Variants in MAP1A observed in about 807,000 individuals in gnomAD.
The protein encoded by MAP1A is microtubule associated protein 1A.
Under a neutral mutation model 185.9 loss-of-function variants are expected in MAP1A, and 42 were observed. That is an observed-to-expected ratio of 0.23 (90% CI 0.18 to 0.29). The LOEUF (loss-of-function observed/expected upper bound fraction) is 0.29. MAP1A is among the 10% of genes least tolerant of loss of function. The pLI is 1.00. For missense variants in MAP1A, 2,995 were observed against 3,450.4 expected (o/e 0.87, Z 3.31); for synonymous variants, 1,229 against 1,335.9 (o/e 0.92, Z 1.74).
In MAP1A at chr15:43,517,650, G is replaced by T; in HGVS notation, c.-425G>T. 1 of 975,068 alleles carries T rather than the reference G, an allele frequency of 1.0e-6. No individual in the cohort carries two copies. Among genetic ancestry groups the T allele is most frequent in the Non-Finnish European group, 1.2e-6 (1 of 827,282 alleles). The allele number at this position is 975,068 out of a possible 1,614,324, so 60.4% of individuals were successfully genotyped here. A position where few individuals can be genotyped will look rare whatever the true frequency, so the allele number is the denominator to read the frequency against. On this transcript the variant is annotated 5_prime_UTR_variant, in exon 1 of 6. Transcript: ENST00000300231. The stretch of plus-strand genomic sequence containing the variant: ...TGCAGACTCTTCCCTGAAGCTGCCG[G>T]CTGAGGCCGGAGCTGCCGCCTCCAT...
upstream of MAP1A, among the ~76,000 whole-genome samples, chr15:43,513,698 A>T (rs2079289624): frequency 6.6e-6 from 1 of 152,206 alleles, no homozygotes; most frequent in African/African-American, 2.4e-5. Flanking sequence ...CATCTTCCTG[A>T]TGTGACTGGC....
At position 43,524,928 on chromosome 15, in the gene MAP1A, C is replaced by A; in HGVS notation, c.3455C>A (p.Ser1152Tyr). Residue 1152 changes from serine (S) to tyrosine (Y), a missense_variant, in exon 4 of 6, where the codon TCC becomes TAC. Around this residue, in one of 3 missense-constraint regions of MAP1A, gnomAD observed 2,728 missense variants for 2,986.0 expected, o/e 0.91. Transcript: ENST00000300231. ...DRSLSPEDAE[S>Y]LSVLSVPSPD... is the part of the protein sequence containing the mutation. The stretch of plus-strand genomic sequence containing the variant: ...AGCCTCTCTCCTGAAGATGCAGAAT[C>A]CCTCTCTGTCCTCAGCGTGCCCTCC... 6.2e-7 allele frequency: 1 copy of A among 1,614,164 alleles called. No individual in the cohort carries two copies. Among genetic ancestry groups the A allele is most frequent in the East Asian group, 2.2e-5 (1 of 44,880 alleles).
upstream of MAP1A, among the ~76,000 whole-genome samples, chr15:43,516,077 CT>C (rs1040094523): frequency 1.3e-5 from 2 of 152,148 alleles, no homozygotes; most frequent in African/African-American, 2.4e-5. Context: ...CCAGAAAGCC[CT>C]AGAAAGCAGG....
rs878861231 is a variant in MAP1A at position 43,525,856 on chromosome 15, T to C, written c.4383T>C (p.Asp1461=). 1.9e-6 allele frequency: 3 copies of C among 1,572,246 alleles called. No individual in the cohort carries two copies. Among genetic ancestry groups the C allele is most frequent in the Non-Finnish European group, 2.6e-6 (3 of 1,162,076 alleles). ...AAGACAAAGCCTTAGAACAAAAGGA[T>C]ACAGCCCTGGAACAGAAGGACAAGG... is the stretch of plus-strand genomic sequence containing the variant. ...EEKDKALEQK[D]TALEQKDKAL... Residue 1461 remains aspartate, a synonymous_variant, in exon 4 of 6, where the codon GAT becomes GAC. Coordinates refer to ENST00000300231, the MANE Select transcript of MAP1A (RefSeq NM_002373.6).
Position 43,528,199 on chromosome 15 carries a change from T to G in MAP1A, c.6726T>G (p.Pro2242=). The change falls in exon 4 of 6, where the codon CCT becomes CCG. Residue 2242 remains proline, a synonymous_variant. Coordinates refer to ENST00000300231, the MANE Select transcript of MAP1A (RefSeq NM_002373.6). ...CATCACCCAGTTCTCCTGGGGCCCCTCTCCTCTCCAATCTGCCACGACCTG... is the reference window on the plus strand; with the variant it reads ...CATCACCCAGTTCTCCTGGGGCCCCGCTCCTCTCCAATCTGCCACGACCTG... ...QLPSPSSPGA[P]LLSNLPRPAS... is the part of the protein sequence containing the mutation. 2 of 1,614,004 alleles carry G rather than the reference T, an allele frequency of 1.2e-6. No homozygotes were observed. The highest frequency in any genetic ancestry group is 1.7e-6 in the Non-Finnish European group (2 of 1,179,990).
At chr15:43,511,182 G>C in exon 1 of MAP1A, 6 of 1,550,568 alleles carry the variant, frequency 3.9e-6, no homozygotes, top group Non-Finnish European at 5.2e-6. Flanking sequence ...GGCGATATCG[G>C]TACAGAGAGT....
At position 43,525,364 on chromosome 15, in the gene MAP1A, A is replaced by G. The variant is rs747230837; in HGVS notation, c.3891A>G (p.Thr1297=). The G allele has an allele frequency of 3.2e-5, 52 of 1,613,766 alleles. No homozygotes were observed. Among genetic ancestry groups the G allele is most frequent in the Non-Finnish European group, 4.3e-5 (51 of 1,180,032 alleles). The change falls in exon 4 of 6, where the codon ACA becomes ACG. Residue 1297 remains threonine (T), a synonymous_variant. Transcript: ENST00000300231. ...KSPASSFSHS[T]PSGNGKYLPG... is the part of the protein sequence containing the mutation. ...CTGCCAGCTCATTCTCTCACTCTACACCTTCAGGAAATGGGAAGTACTTAC... is the reference window on the plus strand; with the variant it reads ...CTGCCAGCTCATTCTCTCACTCTACGCCTTCAGGAAATGGGAAGTACTTAC...
intron 1 of MAP1A, among the ~76,000 whole-genome samples, chr15:43,511,457 A>C (rs1484165326): frequency 6.6e-6 from 1 of 152,146 alleles, no homozygotes; most frequent in Admixed American, 6.5e-5. Flanking sequence ...AGTCTCCCTG[A>C]GGCAGCGGAG....
In MAP1A at chr15:43,524,472, C is replaced by T. The variant is rs183942841; in HGVS notation, c.2999C>T (p.Ser1000Phe). 1 of 1,614,196 alleles carries T rather than the reference C, an allele frequency of 6.2e-7. No homozygotes were observed. Among genetic ancestry groups the T allele is most frequent in the Admixed American group, 1.7e-5 (1 of 60,032 alleles). ...GTGAAGATGGCTTCTCCTCCACCAT[C>T]TGGCCCACCCAGTGCCACCCACACA... ...STVKMASPPPSGPPSATHTPF... is the reference protein window; with the variant it reads ...STVKMASPPPFGPPSATHTPF... Residue 1000 changes from serine (S) to phenylalanine (F), a missense_variant, in exon 4 of 6, where the codon TCT becomes TTT. Transcript: ENST00000300231.
In MAP1A at chr15:43,529,446, A is replaced by T. The variant is rs369938773; in HGVS notation, c.7973A>T (p.Glu2658Val). ...RSTTSQVTPA[E>V]EKDGHSPMSK... is the part of the protein sequence containing the mutation. ...ACCACAAGCCAGGTCACCCCAGCAGAGGAAAAGGATGGACACAGCCCCATG... is the reference window on the plus strand; with the variant it reads ...ACCACAAGCCAGGTCACCCCAGCAGTGGAAAAGGATGGACACAGCCCCATG... The change falls in exon 4 of 6, where the codon GAG becomes GTG. Residue 2658 changes from glutamate to valine, a missense_variant. Glu to Val is a moderately radical substitution (Grantham distance 121). Around this residue, in one of 3 missense-constraint regions of MAP1A, gnomAD observed 2,728 missense variants for 2,986.0 expected, o/e 0.91. Coordinates refer to ENST00000300231, the MANE Select transcript of MAP1A (RefSeq NM_002373.6). The surrounding 1 kb of genome is among the most constrained non-coding windows in gnomAD (Gnocchi z 4.3). 1.2e-5 allele frequency: 20 copies of T among 1,613,630 alleles called. No individual in the cohort carries two copies. Among genetic ancestry groups the T allele is most frequent in the Non-Finnish European group, 1.7e-5 (20 of 1,179,754 alleles).
Position 43,528,023 on chromosome 15 carries a change from G to A in MAP1A, c.6550G>A (p.Ala2184Thr). ...QPAPPQLPSP[A>T]EPRSAPCGSL... is the part of the protein sequence containing the mutation. Reference sequence around the variant, plus strand: ...AGCTCCCCCACAGCTGCCCTCTCCAGCTGAACCCCGCTCGGCACCCTGTGG... The same window carrying A: ...AGCTCCCCCACAGCTGCCCTCTCCAACTGAACCCCGCTCGGCACCCTGTGG... The change falls in exon 4 of 6, where the codon GCT becomes ACT. Residue 2184 changes from alanine (A) to threonine (T), a missense_variant. Ala to Thr is a moderately conservative substitution (Grantham distance 58, BLOSUM62 0). Transcript: ENST00000300231. 6.2e-7 allele frequency: 1 copy of A among 1,613,896 alleles called. No individual in the cohort carries two copies. The highest frequency in any genetic ancestry group is 8.5e-7 in the Non-Finnish European group (1 of 1,180,006).
upstream of MAP1A, among the ~76,000 whole-genome samples, chr15:43,516,158 T>C (rs1469290032): frequency 1.3e-5 from 2 of 152,134 alleles, no homozygotes; most frequent in African/African-American, 4.8e-5. Flanking sequence ...TATTTCCCTT[T>C]TGTGATGCTC....
At chr15:43,518,730 C>T (rs891741157) in intron 1 of MAP1A, among the ~76,000 whole-genome samples, 7 of 147,146 alleles carry the variant, frequency 4.8e-5, no homozygotes, top group Non-Finnish European at 7.4e-5. Context: ...AACTCCAGCA[C>T]TGGCTGAGCA....
At chr15:43,512,248 C>G in exon 2 of MAP1A, 2 of 1,549,930 alleles carry the variant, frequency 1.3e-6, no homozygotes, top group Non-Finnish European at 1.7e-6. Context: ...AGTTGAGACT[C>G]TTCATTACCC....
At chr15:43,519,616 G>A (rs771331831) in intron 1 of MAP1A, among the ~76,000 whole-genome samples, 1 of 152,224 alleles carries the variant, frequency 6.6e-6, no homozygotes, top group Non-Finnish European at 1.5e-5. Flanking sequence ...GCAGGGGATG[G>A]CAGCATTCTT....
rs758100818 is a variant in MAP1A, at chr15:43,521,742, T to C, written c.269T>C (p.Ile90Thr). 11 of 1,614,176 alleles carry C rather than the reference T, an allele frequency of 6.8e-6. No homozygotes were observed. Among genetic ancestry groups the C allele is most frequent in the Non-Finnish European group, 7.6e-6 (9 of 1,180,030 alleles). Residue 90 changes from isoleucine to threonine, a missense_variant, in exon 4 of 6, where the codon ATT (isoleucine) becomes ACT (threonine). Ile to Thr is a moderately conservative substitution (Grantham distance 89). This residue lies in a region of MAP1A where 264 missense variants were observed against 435.3 expected (regional missense o/e 0.61). Transcript: ENST00000300231. The surrounding 1 kb of genome is among the most constrained non-coding windows in gnomAD (Gnocchi z 4.6). ...ATTGACTCGGTGCTACTCACACACATTGGGGCAGACAACCTGCCAGGCATC... is the reference window on the plus strand; with the variant it reads ...ATTGACTCGGTGCTACTCACACACACTGGGGCAGACAACCTGCCAGGCATC... ...DRIDSVLLTH[I>T]GADNLPGING... is the part of the protein sequence containing the mutation.
Position 43,522,079 on chromosome 15 carries a change from C to T in MAP1A, c.606C>T (p.Val202=). The change falls in exon 4 of 6, where the codon GTC becomes GTT. Residue 202 remains valine (V), a synonymous_variant. Coordinates refer to ENST00000300231, the MANE Select transcript of MAP1A (RefSeq NM_002373.6). The surrounding 1 kb of genome is among the most constrained non-coding windows in gnomAD (Gnocchi z 5.9). ...KMGVGRLDMY[V]LNPVKDSKEM... is the part of the protein sequence containing the mutation. ...GTGTGGGCCGGCTGGACATGTATGT[C>T]CTCAACCCTGTCAAGGACAGCAAGG... The T allele has an allele frequency of 6.2e-7, 1 of 1,614,214 alleles. No homozygotes were observed.
Position 43,528,192 on chromosome 15 carries a change from G to C in MAP1A, c.6719G>C (p.Gly2240Ala). 6 of 1,614,062 alleles carry C rather than the reference G, an allele frequency of 3.7e-6. No individual in the cohort carries two copies. The highest frequency in any genetic ancestry group is 5.1e-6 in the Non-Finnish European group (6 of 1,180,012). ...LPQLPSPSSP[G>A]APLLSNLPRP... is the part of the protein sequence containing the mutation. Reference sequence around the variant, plus strand: ...CAGCTCCCATCACCCAGTTCTCCTGGGGCCCCTCTCCTCTCCAATCTGCCA... The same window carrying C: ...CAGCTCCCATCACCCAGTTCTCCTGCGGCCCCTCTCCTCTCCAATCTGCCA... The change falls in exon 4 of 6, where the codon GGG (glycine) becomes GCG (alanine). Residue 2240 changes from glycine (G) to alanine (A), a missense_variant. By Grantham distance (60) the Gly-to-Ala change is moderately conservative (BLOSUM62 0). Around this residue, in one of 3 missense-constraint regions of MAP1A, gnomAD observed 2,728 missense variants for 2,986.0 expected, o/e 0.91. Transcript: ENST00000300231.
upstream of MAP1A, among the ~76,000 whole-genome samples, chr15:43,513,198 A>G (rs1464902004): frequency 3.3e-5 from 5 of 151,402 alleles, no homozygotes; most frequent in African/African-American, 9.7e-5. Context: ...GTGGTGGTGC[A>G]TGCCTGTAAT....
Sources: allele counts gnomAD v4.1 joint callset (sites outside exome capture counted in the v4.1 genomes callset), GRCh38; gene constraint gnomAD v4.1.1; regional missense constraint gnomAD v4.1.1; non-coding constraint Gnocchi (gnomAD v3.1); transcripts MANE v1.5; gene names NCBI Gene and HGNC (gene_info 2026-07-23, HGNC 2026-07-21).